ESCO1: variants seen among roughly 807,000 people sequenced by gnomAD.
ESCO1 encodes the protein establishment of sister chromatid cohesion N-acetyltransferase 1, also known as N-acetyltransferase ESCO1.
A neutral mutation model predicts 83.5 loss-of-function variants in ESCO1; 33 were observed. The observed-to-expected ratio is 0.40, with a 90% CI of 0.30 to 0.53. The LOEUF is 0.53. Ranked by LOEUF, ESCO1 falls within the 20% of genes least tolerant of loss-of-function variation. The pLI, the probability that ESCO1 is intolerant of heterozygous loss-of-function variation, is 0.63. For missense variants in ESCO1, 855 were observed against 968.0 expected, an observed-to-expected ratio of 0.88 and a Z score of 1.55; for synonymous variants, 332 against 324.3, an observed-to-expected ratio of 1.02 and a Z score of -0.25.
At chr18:21,581,910 T>A (rs2038507372) in intron 2 of ESCO1, among the ~76,000 whole-genome samples, 1 of 148,290 alleles carries the variant, frequency 6.7e-6, no homozygotes, top group South Asian at 2.1e-4. Context: ...TGAAATCTCA[T>A]CTATACTAAA....
rs144448779 is a variant in ESCO1 at position 21,556,324 on chromosome 18, T to G, written c.1953+4535A>C. 6.5e-4 allele frequency among the ~76,000 whole-genome samples: 99 copies of G among 152,314 alleles called. No homozygotes were observed. The Middle Eastern group carries it at 0.014, about 21-fold the overall frequency. On this transcript the variant is annotated intron_variant, in intron 8 of 11. Coordinates refer to ENST00000269214, the MANE Select transcript of ESCO1 (RefSeq NM_052911.3). ...TGCTCTACTACTATTCACTTCTCTT[T>G]TCTCTAATGCCCAGTTTCCTCTTTT...
chr18:21,546,421 A>T (rs531806052), intron 8 of ESCO1, among the ~76,000 whole-genome samples: 1 of 151,896 alleles, frequency 6.6e-6, no homozygotes, highest in East Asian at 2.0e-4. Flanking sequence ...AACAACAGAA[A>T]ACGACTGAGA....
At chr18:21,548,749 G>C (rs1041214130) in intron 8 of ESCO1, among the ~76,000 whole-genome samples, 2 of 152,154 alleles carry the variant, frequency 1.3e-5, no homozygotes, top group African/African-American at 4.8e-5. Context: ...AGACAAGCCT[G>C]GGCAACAAAG....
chr18:21,554,414 A>C lies in ESCO1; in HGVS notation c.1953+6445T>G, dbSNP rs4800795. ...CAGTAGGTGAATGGATAAACTGTGAAACATCCAGACAATGGAATATCACAC... is the reference window on the plus strand; with the variant it reads ...CAGTAGGTGAATGGATAAACTGTGACACATCCAGACAATGGAATATCACAC... On this transcript the variant is annotated intron_variant, in intron 8 of 11. Coordinates refer to ENST00000269214, the MANE Select transcript of ESCO1 (RefSeq NM_052911.3). Among the ~76,000 whole-genome samples the C allele has an allele frequency of 1.9e-4, 29 of 152,122 alleles. 1 individual carries two copies. The South Asian group carries it at 5.6e-3, about 29-fold the overall frequency.
At chr18:21,594,892 G>A (rs1013816992) in intron 1 of ESCO1, among the ~76,000 whole-genome samples, 2 of 150,286 alleles carry the variant, frequency 1.3e-5, no homozygotes, top group South Asian at 2.1e-4. Context: ...TTAACAACTC[G>A]ATTTTCTGAT....
intron 1 of ESCO1, among the ~76,000 whole-genome samples, chr18:21,586,971 T>C (rs1432653430): frequency 6.6e-6 from 1 of 152,078 alleles, no homozygotes; most frequent in African/African-American, 2.4e-5. Flanking sequence ...TTTTGTCAGA[T>C]TTTTTTTCTG....
At chr18:21,578,655 G>C (rs888876513) in intron 2 of ESCO1, among the ~76,000 whole-genome samples, 1 of 151,672 alleles carries the variant, frequency 6.6e-6, no homozygotes, top group Non-Finnish European at 1.5e-5. Flanking sequence ...AAGAGTTCCA[G>C]ACCAGACTGA....
Position 21,532,655 on chromosome 18 carries a change from G to A in ESCO1, c.2193C>T (p.Tyr731=). ...CLIAEHIQWG[Y]RVIEEKLPVI... ...CTGGAAGTTTCTCTTCTATAACTCTGTAGCCCTACAGGTGTCAAAAATGGG... is the reference window on the plus strand; with the variant it reads ...CTGGAAGTTTCTCTTCTATAACTCTATAGCCCTACAGGTGTCAAAAATGGG... Residue 731 remains tyrosine, a synonymous_variant, in exon 11 of 12, where the codon TAC becomes TAT. Coordinates refer to ENST00000269214, the MANE Select transcript of ESCO1 (RefSeq NM_052911.3). 2 of 1,613,588 alleles carry A rather than the reference G, an allele frequency of 1.2e-6. No homozygotes were observed. The highest frequency in any genetic ancestry group is 1.7e-6 in the Non-Finnish European group (2 of 1,179,784).
intron 1 of ESCO1, among the ~76,000 whole-genome samples, chr18:21,591,533 C>T (rs965400321): frequency 2.6e-5 from 4 of 152,174 alleles, no homozygotes; most frequent in African/African-American, 7.2e-5. Flanking sequence ...TTATGCCATT[C>T]TGCTATCAAA....
At chr18:21,580,550 C>T (rs1345718838) in intron 2 of ESCO1, among the ~76,000 whole-genome samples, 1 of 151,534 alleles carries the variant, frequency 6.6e-6, no homozygotes, top group Non-Finnish European at 1.5e-5. Flanking sequence ...AGAATGTGCA[C>T]CAAAAAATAA....
Position 21,573,553 on chromosome 18 carries a change from G to T in ESCO1, c.1291C>A (p.His431Asn), listed in dbSNP as rs144654021. 11 of 1,614,094 alleles carry T rather than the reference G, an allele frequency of 6.8e-6. No individual in the cohort carries two copies. The East Asian group carries it at 2.0e-4, about 29-fold the overall frequency. Residue 431 changes from histidine to asparagine, a missense_variant, in exon 4 of 12, where the codon CAT (histidine) becomes AAT (asparagine). By Grantham distance (68) the His-to-Asn change is moderately conservative. Coordinates refer to ENST00000269214, the MANE Select transcript of ESCO1 (RefSeq NM_052911.3). Reference protein sequence around the residue: ...SFSPPALEMHHPVTQSTFLGT... With the variant: ...SFSPPALEMHNPVTQSTFLGT... ...AAAAACGTACTTTGAGTCACTGGATGATGCATTTCTAAAGCTGGTGGTGAA... is the reference window on the plus strand; with the variant it reads ...AAAAACGTACTTTGAGTCACTGGATTATGCATTTCTAAAGCTGGTGGTGAA...
At chr18:21,583,476 T>C (rs2038531443) in intron 2 of ESCO1, among the ~76,000 whole-genome samples, 1 of 151,884 alleles carries the variant, frequency 6.6e-6, no homozygotes, top group Non-Finnish European at 1.5e-5. Context: ...AAACCCCATC[T>C]CTACTAAAAA....
chr18:21,577,435 A>G lies in ESCO1; in HGVS notation c.-693-1658T>C, dbSNP rs375433537. 3.1e-3 allele frequency among the ~76,000 whole-genome samples: 468 copies of G among 149,260 alleles called. 3 individuals carry two copies. Among genetic ancestry groups the G allele is most frequent in the African/African-American group, 0.011 (446 of 40,696 alleles). ...AGCACTTTGGGAGGCCGAGGCGGGC[A>G]GATTCACGAGGTCAGGAGGTCGAGA... On this transcript the variant is annotated intron_variant, in intron 2 of 11. Transcript: ENST00000269214.
chr18:21,595,685 G>A (rs1360056925), intron 1 of ESCO1, among the ~76,000 whole-genome samples: 10 of 135,458 alleles, frequency 7.4e-5, no homozygotes, highest in Admixed American at 3.8e-4. Context: ...AAAAATAGGC[G>A]GGGTGCGGTG....
chr18:21,564,091 A>ATAAAAATTATAG lies in ESCO1; in HGVS notation c.1821+111_1821+112insCTATAATTTTTA, dbSNP rs1332859930. The ATAAAAATTATAG allele has an allele frequency of 8.3e-6, 6 of 725,816 alleles. No individual in the cohort carries two copies. The African/African-American group carries it at 1.1e-4, about 13-fold the overall frequency. The allele number at this position is 725,816 out of a possible 1,614,324, so 45.0% of individuals were successfully genotyped here. A position where few individuals can be genotyped will look rare whatever the true frequency, so the allele number is the denominator to read the frequency against. Reference sequence around the variant, plus strand: ...CAGGCCATAGAACCACAAGCCAAATAAACCTCTTTTCTATAAAAATTACCA... The same window carrying ATAAAAATTATAG: ...CAGGCCATAGAACCACAAGCCAAATATAAAAATTATAGAACCTCTTTTCTATAAAAATTACCA... On this transcript the variant is annotated intron_variant, in intron 7 of 11. Transcript: ENST00000269214.
chr18:21,539,837 G>A (rs1016072417), intron 9 of ESCO1, 83 bp downstream of exon 9: 22 of 1,128,824 alleles, frequency 1.9e-5, no homozygotes, highest in Non-Finnish European at 2.8e-5. Context: ...GACAGAGCAA[G>A]ACCCTGTCTC....
At chr18:21,553,481 T>TG (rs2038071739) in intron 8 of ESCO1, among the ~76,000 whole-genome samples, 2 of 143,792 alleles carry the variant, frequency 1.4e-5, no homozygotes, top group African/African-American at 2.6e-5. Flanking sequence ...AAAAAATTTT[T>TG]TTTGAAAAAG....
chr18:21,595,392 C>T (rs1490686563), intron 1 of ESCO1, among the ~76,000 whole-genome samples: 7 of 144,910 alleles, frequency 4.8e-5, no homozygotes, highest in Non-Finnish European at 9.0e-5. Context: ...AAAAAGGGGC[C>T]GGCGCTGTGG....
intron 1 of ESCO1, among the ~76,000 whole-genome samples, chr18:21,596,535 A>G (rs1445762854): frequency 6.6e-6 from 1 of 152,102 alleles, no homozygotes; most frequent in African/African-American, 2.4e-5. Context: ...GTTTTTATGA[A>G]AAGATAGAAA....
Sources: gnomAD v4.1 joint callset for allele counts (sites outside exome capture counted in the v4.1 genomes callset) on GRCh38, gnomAD v4.1.1 for gene constraint, MANE v1.5 for transcripts, NCBI Gene and HGNC (gene_info 2026-07-23, HGNC 2026-07-21) for gene names.